SLC25A42: variants seen among roughly 807,000 people sequenced by gnomAD.
SLC25A42 encodes the protein mitochondrial coenzyme A transporter SLC25A42.
SLC25A42 carries 19 observed loss-of-function variants against 34.7 expected under a neutral mutation model. That is an observed-to-expected ratio of 0.55 (90% CI 0.38 to 0.80). The LOEUF (loss-of-function observed/expected upper bound fraction) is 0.80, where lower values mean the gene tolerates loss of function less well. Ranked by LOEUF, SLC25A42 falls within the 30% of genes least tolerant of loss-of-function variation. The pLI is 0.00. For missense variants in SLC25A42, 364 were observed against 441.3 expected (o/e 0.82, Z 1.57); for synonymous variants, 205 against 191.2 (o/e 1.07, Z -0.59).
At chr19:19,064,908 A>G (rs1457854279) in intron 1 of SLC25A42, among the ~76,000 whole-genome samples, 1 of 152,150 alleles carries the variant, frequency 6.6e-6, no homozygotes, top group Non-Finnish European at 1.5e-5. Context: ...TTGACAGTCT[A>G]TAAAGTGATT....
At chr19:19,102,963 C>A (rs913068592) in intron 3 of SLC25A42, among the ~76,000 whole-genome samples, 4 of 152,126 alleles carry the variant, frequency 2.6e-5, no homozygotes, top group Non-Finnish European at 5.9e-5. Flanking sequence ...TTCCTTGCTT[C>A]TTCCGGCTTC....
At chr19:19,098,371 G>C (rs991528224) in intron 2 of SLC25A42, among the ~76,000 whole-genome samples, 1 of 152,230 alleles carries the variant, frequency 6.6e-6, no homozygotes, top group African/African-American at 2.4e-5. Context: ...GCCAAGACGG[G>C]AGGATTGCTT....
intron 2 of SLC25A42, among the ~76,000 whole-genome samples, chr19:19,098,226 G>A (rs558021224): frequency 5.3e-5 from 8 of 152,148 alleles, no homozygotes; most frequent in Non-Finnish European, 1.0e-4. Flanking sequence ...ATGTGAACTG[G>A]CCCCAACACA....
Position 19,106,400 on chromosome 19 carries a change from CG to C in SLC25A42, c.497+17del. Reference sequence around the variant, plus strand: ...CCGAAGGAAATGTGAGTCCTTACATCGGTGATGCGCATCAGCCCCGGGGGCT... The same window carrying C: ...CCGAAGGAAATGTGAGTCCTTACATCGTGATGCGCATCAGCCCCGGGGGCT... On this transcript the variant is annotated intron_variant, in intron 6 of 7. Coordinates refer to ENST00000318596, the MANE Select transcript of SLC25A42 (RefSeq NM_178526.5). The C allele has an allele frequency of 2.5e-6, 4 of 1,596,082 alleles. No individual in the cohort carries two copies. In the Admixed American group the frequency reaches 6.8e-5, roughly 27 times the overall value.
rs1287540218 is a variant in SLC25A42, at chr19:19,110,763, C to A, written c.844C>A (p.Arg282Ser). ...RTIVREEGAV[R>S]GLYKGLSMNW... ...CATCGTGCGGGAGGAGGGCGCCGTG[C>A]GCGGCCTCTACAAAGGCTTGAGCAT... Residue 282 changes from arginine to serine, a missense_variant, in exon 8 of 8, where the codon CGC (arginine) becomes AGC (serine). Transcript: ENST00000318596. 1 of 1,613,274 alleles carries A rather than the reference C, an allele frequency of 6.2e-7. No homozygotes were observed. The highest frequency in any genetic ancestry group is 1.3e-5 in the African/African-American group (1 of 75,056).
In SLC25A42 at chr19:19,106,170, T is replaced by C. The variant is rs1386124468; in HGVS notation, c.381-99T>C. 4.9e-6 allele frequency: 5 copies of C among 1,019,112 alleles called. No homozygotes were observed. In the Admixed American group the frequency reaches 9.9e-5, roughly 20 times the overall value. The allele number at this position is 1,019,112 out of a possible 1,614,324, so 63.1% of individuals were successfully genotyped here. A position where few individuals can be genotyped will look rare whatever the true frequency, so the allele number is the denominator to read the frequency against. On this transcript the variant is annotated intron_variant, in intron 5 of 7. Transcript: ENST00000318596. ...TCGTGTTCCTCGGTCCCCACCCCTG[T>C]CCCCGCCCCAGCAGAGACGTGCGGG...
intron 1 of SLC25A42, among the ~76,000 whole-genome samples, chr19:19,066,846 A>G (rs1908722964): frequency 6.6e-6 from 1 of 152,104 alleles, no homozygotes; most frequent in Admixed American, 6.6e-5. Context: ...TTTGGGCTCC[A>G]GCCGTGCTCA....
chr19:19,068,719 T>A (rs1401675047), intron 1 of SLC25A42, among the ~76,000 whole-genome samples: 1 of 150,224 alleles, frequency 6.7e-6, no homozygotes, highest in Non-Finnish European at 1.5e-5. Flanking sequence ...ATGCCCATAG[T>A]CCCAGCTACT....
intron 1 of SLC25A42, among the ~76,000 whole-genome samples, chr19:19,087,607 G>T (rs2059714707): frequency 6.6e-6 from 1 of 152,150 alleles, no homozygotes; most frequent in African/African-American, 2.4e-5. Flanking sequence ...GTTCTTGATG[G>T]CAACAATTAA....
rs2059860455 is a variant in SLC25A42, at chr19:19,110,851, TCCTGCTGCGGCA to T, written c.938_949del (p.Leu313_Leu316del). 6.2e-7 allele frequency: 1 copy of T among 1,613,808 alleles called. No homozygotes were observed. Among genetic ancestry groups the T allele is most frequent in the Non-Finnish European group, 8.5e-7 (1 of 1,180,024 alleles). On this transcript the variant is annotated inframe_deletion, in exon 8 of 8. Coordinates refer to ENST00000318596, the MANE Select transcript of SLC25A42 (RefSeq NM_178526.5). ...TTCACCACCTTCGACCTCATGCAGA[TCCTGCTGCGGCA>T]CCTGCAGAGCTAGGGGACCCTGAGC...
intron 2 of SLC25A42, 55 bp from the exon 3 acceptor site, chr19:19,101,726 C>T: frequency 6.6e-7 from 1 of 1,507,908 alleles, no homozygotes. Flanking sequence ...GGGGCAAGGT[C>T]CTCTGCGGAG....
intron 2 of SLC25A42, among the ~76,000 whole-genome samples, chr19:19,097,816 G>A (rs1290273217): frequency 1.3e-5 from 2 of 151,944 alleles, no homozygotes; most frequent in Non-Finnish European, 2.9e-5. Flanking sequence ...TACAAAAATC[G>A]GCCAGGCGTG....
intron 1 of SLC25A42, among the ~76,000 whole-genome samples, chr19:19,090,261 T>G (rs181115674): frequency 7.4e-4 from 112 of 152,226 alleles, no homozygotes; most frequent in Non-Finnish European, 1.1e-3. Context: ...TGCTTGCTCA[T>G]TAAGGGGCAG....
At chr19:19,106,910 G>A (rs2059833122) in intron 6 of SLC25A42, 1 of 142,974 alleles carries the variant, frequency 7.0e-6, no homozygotes, top group Non-Finnish European at 1.5e-5. Flanking sequence ...TCCAGTGTGG[G>A]CAATAGAGCC....
chr19:19,072,133 G>A (rs534741880), intron 1 of SLC25A42, among the ~76,000 whole-genome samples: 19 of 152,214 alleles, frequency 1.2e-4, no homozygotes, highest in African/African-American at 3.9e-4. Flanking sequence ...AATTACAGGC[G>A]TGAGCCACTG....
intron 3 of SLC25A42, among the ~76,000 whole-genome samples, chr19:19,102,825 C>A (rs547126247): frequency 6.6e-6 from 1 of 152,094 alleles, no homozygotes; most frequent in Admixed American, 6.6e-5. Flanking sequence ...GGGCTGCTGT[C>A]AGAAAGCACC....
intron 1 of SLC25A42, among the ~76,000 whole-genome samples, chr19:19,082,985 ATT>A: frequency 6.6e-6 from 1 of 151,678 alleles, no homozygotes; most frequent in East Asian, 1.9e-4. Context: ...CACCCAGCTA[ATT>A]TTTTTTGTAT....
In SLC25A42 at chr19:19,112,029, TCA is replaced by T. The variant is rs1453764417; in HGVS notation, c.*1156_*1157del. The stretch of plus-strand genomic sequence containing the variant: ...GGAGTCCCCCAGGGCCCGCCAGCTA[TCA>T]CAGGGACTCAGAAACACCCATTTCC... On this transcript the variant is annotated 3_prime_UTR_variant, in exon 8 of 8. Coordinates refer to ENST00000318596, the MANE Select transcript of SLC25A42 (RefSeq NM_178526.5). The surrounding 1 kb of genome is among the most constrained non-coding windows in gnomAD (Gnocchi z 4.3). 3 of 152,160 alleles carry T rather than the reference TCA, an allele frequency of 2.0e-5. No homozygotes were observed. The highest frequency in any genetic ancestry group is 7.2e-5 in the African/African-American group (3 of 41,426). The allele number at this position is 152,160 out of a possible 1,614,324, so 9.4% of individuals were successfully genotyped here.
chr19:19,102,627 C>T (rs1468492970), intron 3 of SLC25A42, among the ~76,000 whole-genome samples: 1 of 151,988 alleles, frequency 6.6e-6, no homozygotes, highest in Non-Finnish European at 1.5e-5. Context: ...ACCTGCAATC[C>T]CAGCTACTCT....
Sources: gnomAD v4.1 joint callset for allele counts (sites outside exome capture counted in the v4.1 genomes callset) on GRCh38, gnomAD v4.1.1 for gene constraint, Gnocchi (gnomAD v3.1) non-coding constraint, MANE v1.5 for transcripts, NCBI Gene and HGNC (gene_info 2026-07-23, HGNC 2026-07-21) for gene names.